The following CRB1 variants were observed in gnomAD, a reference collection of about 807,000 sequenced individuals.
CRB1 encodes crumbs cell polarity complex component 1, also known as protein crumbs homolog 1.
In CRB1, 83 loss-of-function variants were observed where a neutral mutation model predicts 120.0. The observed-to-expected ratio is 0.69, with a 90% CI of 0.58 to 0.83. The LOEUF (loss-of-function observed/expected upper bound fraction) is 0.83. Among genes scored for constraint, CRB1 ranks in the 40% least tolerant of loss-of-function variants. CRB1 has a pLI of 0.00. For missense variants in CRB1, 1,699 were observed against 1,687.6 expected, an observed-to-expected ratio of 1.01 and a Z score of -0.12; for synonymous variants, 625 against 612.5, an observed-to-expected ratio of 1.02 and a Z score of -0.30.
chr1:197,405,418 G>T (rs1663306438), intron 5 of CRB1, among the ~76,000 whole-genome samples: 1 of 151,490 alleles, frequency 6.6e-6, no homozygotes, highest in African/African-American at 2.4e-5. Flanking sequence ...TGTGATCTCG[G>T]CTCGCTACAA....
intron 2 of CRB1, among the ~76,000 whole-genome samples, chr1:197,330,590 T>A (rs776733031): frequency 1.7e-4 from 26 of 152,190 alleles, no homozygotes; most frequent in Non-Finnish European, 3.5e-4. Flanking sequence ...CTTCACAATG[T>A]CTACTCTGAA....
chr1:197,350,867 G>C (rs2125339422), intron 4 of CRB1, among the ~76,000 whole-genome samples: 1 of 152,258 alleles, frequency 6.6e-6, no homozygotes, highest in East Asian at 1.9e-4. Flanking sequence ...AGCTGTTTCA[G>C]AGATAAATCC....
intron 11 of CRB1, among the ~76,000 whole-genome samples, chr1:197,448,804 G>A (rs1026889767): frequency 1.1e-4 from 17 of 152,126 alleles, no homozygotes; most frequent in Non-Finnish European, 1.0e-4. Flanking sequence ...AATTATCTAT[G>A]CATGTACACA....
At chr1:197,331,247 T>C (rs1468032756) in intron 2 of CRB1, among the ~76,000 whole-genome samples, 1 of 152,222 alleles carries the variant, frequency 6.6e-6, no homozygotes, top group Non-Finnish European at 1.5e-5. Flanking sequence ...TAAATTGTTC[T>C]AAGTTTTACA....
At chr1:197,323,402 GA>G (rs1403318690) in intron 1 of CRB1, among the ~76,000 whole-genome samples, 2 of 152,092 alleles carry the variant, frequency 1.3e-5, no homozygotes, top group Non-Finnish European at 2.9e-5. Context: ...TATGGAGCGG[GA>G]AAAAACTTTT....
chr1:197,430,241 C>G (rs1664808956), intron 8 of CRB1, among the ~76,000 whole-genome samples: 1 of 152,188 alleles, frequency 6.6e-6, no homozygotes, highest in South Asian at 2.1e-4. Context: ...CACCCACTAA[C>G]TATACTGTTA....
chr1:197,278,895 A>C (rs1362230177), intron 1 of CRB1, among the ~76,000 whole-genome samples: 1 of 151,902 alleles, frequency 6.6e-6, no homozygotes, highest in Non-Finnish European at 1.5e-5. Context: ...CATATGTGTA[A>C]AGGCTGTCCA....
At chr1:197,252,637 T>G in the CRB1 span, among the ~76,000 whole-genome samples, 1 of 120,688 alleles carries the variant, frequency 8.3e-6, no homozygotes, top group East Asian at 2.7e-4. Flanking sequence ...GTGTTTATAT[T>G]ACACACACAC....
intron 5 of CRB1, among the ~76,000 whole-genome samples, chr1:197,381,116 G>A (rs1199200419): frequency 6.6e-6 from 1 of 152,084 alleles, no homozygotes; most frequent in Non-Finnish European, 1.5e-5. Context: ...GTTCATTTAA[G>A]CAATACCACT....
chr1:197,369,416 C>G (rs1661252038), intron 5 of CRB1, among the ~76,000 whole-genome samples: 1 of 151,958 alleles, frequency 6.6e-6, no homozygotes. Context: ...CCCAAGCAAC[C>G]CAGTTGCGAG....
intron 2 of CRB1, among the ~76,000 whole-genome samples, chr1:197,340,623 G>A (rs970416057): frequency 6.6e-6 from 1 of 152,142 alleles, no homozygotes; most frequent in Non-Finnish European, 1.5e-5. Flanking sequence ...CCATTTCTAA[G>A]AGAGAGATGA....
chr1:197,237,645 T>A, the CRB1 span, among the ~76,000 whole-genome samples: 2 of 152,220 alleles, frequency 1.3e-5, no homozygotes, highest in South Asian at 2.1e-4. Flanking sequence ...GTTATCATAT[T>A]TGTAGACACA....
chr1:197,289,276 T>A (rs975517589), intron 1 of CRB1, among the ~76,000 whole-genome samples: 3 of 151,882 alleles, frequency 2.0e-5, no homozygotes, highest in African/African-American at 7.2e-5. Context: ...AATATAATTA[T>A]CTTCTCTAAT....
the CRB1 span, among the ~76,000 whole-genome samples, chr1:197,248,197 T>C: frequency 0.021 from 3,268 of 152,172 alleles, 39 homozygotes; most frequent in Middle Eastern, 0.027. Context: ...TTCCGAGGTT[T>C]GTGATTGGAC....
chr1:197,296,361 T>C (rs957610012), intron 1 of CRB1, among the ~76,000 whole-genome samples: 1 of 152,020 alleles, frequency 6.6e-6, no homozygotes, highest in African/African-American at 2.4e-5. Flanking sequence ...TTAATTGACA[T>C]CATCATGGTA....
intron 1 of CRB1, among the ~76,000 whole-genome samples, chr1:197,278,264 C>A (rs1333253526): frequency 2.0e-5 from 3 of 151,830 alleles, no homozygotes; most frequent in East Asian, 1.9e-4. Context: ...CTCCTTCCAC[C>A]ATGTGAGGAC....
chr1:197,248,051 A>G, the CRB1 span, among the ~76,000 whole-genome samples: 22 of 152,164 alleles, frequency 1.4e-4, no homozygotes, highest in South Asian at 3.7e-3. Context: ...TACATTAAAT[A>G]AATCAAAATT....
intron 11 of CRB1, among the ~76,000 whole-genome samples, chr1:197,453,026 A>C (rs1409434772): frequency 6.6e-6 from 1 of 152,036 alleles, no homozygotes; most frequent in Non-Finnish European, 1.5e-5. Context: ...ATAAAAATGG[A>C]ATATTATTCA....
At chr1:197,426,157 A>G (rs181182597) in intron 6 of CRB1, among the ~76,000 whole-genome samples, 2 of 152,216 alleles carry the variant, frequency 1.3e-5, no homozygotes, top group Admixed American at 1.3e-4. Context: ...CCAAAGCCTT[A>G]GAGATGAACT....
Sources: gnomAD v4.1 joint callset for allele counts (sites outside exome capture counted in the v4.1 genomes callset) on GRCh38, gnomAD v4.1.1 for gene constraint, MANE v1.5 for transcripts, NCBI Gene and HGNC (gene_info 2026-07-23, HGNC 2026-07-21) for gene names.